The following ACACA variants were observed in gnomAD, a reference collection of about 807,000 sequenced individuals.
ACACA encodes acetyl-CoA carboxylase 1.
A neutral mutation model predicts 296.1 loss-of-function variants in ACACA; 103 were observed. The observed-to-expected ratio is 0.35, with a 90% CI of 0.30 to 0.41. ACACA has a LOEUF of 0.41. Among genes scored for constraint, ACACA ranks in the 10% least tolerant of loss-of-function variants. The pLI is 1.00. For missense variants in ACACA, 1,554 were observed against 2,989.7 expected (o/e 0.52, Z 11.20); for synonymous variants, 953 against 1,038.6 (o/e 0.92, Z 1.58).
chr17:37,114,531 TAAAA>T (rs60963286), intron 50 of ACACA, among the ~76,000 whole-genome samples: 19 of 122,812 alleles, frequency 1.5e-4, no homozygotes, highest in Admixed American at 4.1e-4. Context: ...GCCCTGCCTT[TAAAA>T]AAAAAAAAAA....
intron 11 of ACACA, among the ~76,000 whole-genome samples, chr17:37,263,109 C>T (rs2081590473): frequency 6.6e-6 from 1 of 152,162 alleles, no homozygotes; most frequent in Admixed American, 6.5e-5. Flanking sequence ...AGGAAATAGA[C>T]CTCTAACACA....
At chr17:37,339,106 G>A (rs964608687) in intron 2 of ACACA, among the ~76,000 whole-genome samples, 1 of 152,176 alleles carries the variant, frequency 6.6e-6, no homozygotes, top group African/African-American at 2.4e-5. Context: ...CACATTTACA[G>A]CAGTAAATAG....
At chr17:37,395,877 A>G (rs1214978070) in intron 1 of ACACA, among the ~76,000 whole-genome samples, 2 of 152,224 alleles carry the variant, frequency 1.3e-5, no homozygotes, top group Admixed American at 1.3e-4. Flanking sequence ...TGTCACCCCA[A>G]TACTTTTTGA....
At chr17:37,123,715 A>C (rs1758108475) in intron 48 of ACACA, among the ~76,000 whole-genome samples, 1 of 152,210 alleles carries the variant, frequency 6.6e-6, no homozygotes, top group African/African-American at 2.4e-5. Context: ...CAGAATCAAA[A>C]GCCCTCTAGA....
intron 3 of ACACA, among the ~76,000 whole-genome samples, chr17:37,314,630 C>T (rs1322785080): frequency 6.7e-6 from 1 of 148,634 alleles, no homozygotes; most frequent in Non-Finnish European, 1.5e-5. Flanking sequence ...CTCAGGAATC[C>T]ACACTTTTTT....
chr17:37,401,712 T>C (rs943428771), intron 1 of ACACA, among the ~76,000 whole-genome samples: 1 of 152,000 alleles, frequency 6.6e-6, no homozygotes, highest in Admixed American at 6.6e-5. Context: ...GCGTGTGCTA[T>C]CATGCCCAGC....
chr17:37,107,571 G>A (rs2073761787), intron 52 of ACACA, among the ~76,000 whole-genome samples: 1 of 152,220 alleles, frequency 6.6e-6, no homozygotes, highest in African/African-American at 2.4e-5. Flanking sequence ...GCAAGGGCCA[G>A]CAGCAGTGCT....
At chr17:37,242,577 A>T (rs1294915846) in intron 22 of ACACA, among the ~76,000 whole-genome samples, 1 of 152,106 alleles carries the variant, frequency 6.6e-6, no homozygotes, top group Non-Finnish European at 1.5e-5. Flanking sequence ...AAAATTTTTT[A>T]AAAATTAGCT....
chr17:37,374,527 T>C (rs888975007), intron 1 of ACACA, among the ~76,000 whole-genome samples: 1 of 152,100 alleles, frequency 6.6e-6, no homozygotes, highest in Non-Finnish European at 1.5e-5. Context: ...CCTCAGGTCA[T>C]CCACCCGCCT....
At chr17:37,211,538 C>T (rs1343616003) in intron 29 of ACACA, among the ~76,000 whole-genome samples, 1 of 152,212 alleles carries the variant, frequency 6.6e-6, no homozygotes, top group Non-Finnish European at 1.5e-5. Flanking sequence ...CGGTTGATAT[C>T]TTAACCTTCT....
chr17:37,247,155 A>G (rs2080748705), intron 18 of ACACA, among the ~76,000 whole-genome samples, 179 bp from the exon 19 acceptor site: 1 of 152,184 alleles, frequency 6.6e-6, no homozygotes, highest in East Asian at 1.9e-4. Context: ...TTCAATAAGG[A>G]TCAGATTAAA....
chr17:37,207,001 A>T (rs538810446), intron 31 of ACACA, 122 bp from the exon 32 acceptor site: 2 of 904,818 alleles, frequency 2.2e-6, no homozygotes, highest in East Asian at 5.2e-5. Flanking sequence ...TTAATTGAAT[A>T]GAATCACCAG....
chr17:37,260,318 G>T (rs2081452074), intron 11 of ACACA, among the ~76,000 whole-genome samples: 6 of 48,240 alleles, frequency 1.2e-4, no homozygotes, highest in South Asian at 9.8e-4. Flanking sequence ...TTTTTTTTTG[G>T]AGATGGAGTC....
At chr17:37,134,255 AAT>A (rs2075237126) in intron 45 of ACACA, among the ~76,000 whole-genome samples, 1 of 152,214 alleles carries the variant, frequency 6.6e-6, no homozygotes, top group South Asian at 2.1e-4. Context: ...AAAACAGCCT[AAT>A]ATACCGCCTG....
chr17:37,192,030 C>A, intron 37 of ACACA, 60 bp downstream of exon 37: 1 of 1,519,498 alleles, frequency 6.6e-7, no homozygotes, highest in South Asian at 1.1e-5. Context: ...AATTTTGAAT[C>A]ATATCTATTA....
At chr17:37,179,439 AC>A (rs1346711363) in intron 40 of ACACA, 33 bp from the exon 41 acceptor site, 1 of 1,611,408 alleles carries the variant, frequency 6.2e-7, no homozygotes, top group Non-Finnish European at 8.5e-7. Context: ...CTAATCAGTC[AC>A]AATAATTTCA....
At chr17:37,274,873 T>C (rs935471998) in intron 8 of ACACA, among the ~76,000 whole-genome samples, 2 of 152,044 alleles carry the variant, frequency 1.3e-5, no homozygotes, top group Non-Finnish European at 2.9e-5. Context: ...GCAATCTCCC[T>C]GGAGAGCCAG....
intron 1 of ACACA, among the ~76,000 whole-genome samples, chr17:37,381,765 C>T (rs568700273): frequency 5.9e-5 from 9 of 151,348 alleles, no homozygotes; most frequent in East Asian, 3.9e-4. Flanking sequence ...GTAGCTGGGA[C>T]TACAGGCACT....
At position 37,130,016 on chromosome 17, in the gene ACACA, G is replaced by T; in HGVS notation, c.5823+59C>A. 6.3e-6 allele frequency: 10 copies of T among 1,599,838 alleles called. No homozygotes were observed. In the South Asian group the frequency reaches 9.9e-5, roughly 16 times the overall value. On this transcript the variant is annotated intron_variant, in intron 46 of 55. Coordinates refer to ENST00000616317, the MANE Select transcript of ACACA (RefSeq NM_198834.3). ...AAGACCTTAAACACAGAGGCAGTGA[G>T]CTGTGGTGGAAATGACAGGCTCTGC...
Sources: allele counts gnomAD v4.1 joint callset (sites outside exome capture counted in the v4.1 genomes callset), GRCh38; gene constraint gnomAD v4.1.1; transcripts MANE v1.5; gene names NCBI Gene and HGNC (gene_info 2026-07-23, HGNC 2026-07-21).